The following MRS2 variants were observed in gnomAD, a reference collection of about 807,000 sequenced individuals.
MRS2 encodes magnesium transporter MRS2.
MRS2 carries 40 observed loss-of-function variants against 52.6 expected under a neutral mutation model. That is an observed-to-expected ratio of 0.76 (90% CI 0.59 to 0.99). The LOEUF (loss-of-function observed/expected upper bound fraction) is 0.99, where lower values mean the gene tolerates loss of function less well. MRS2 is among the 50% of genes least tolerant of loss of function. The pLI is 0.00. For synonymous variants in MRS2, 193 were observed against 195.9 expected, an observed-to-expected ratio of 0.98 and a Z score of 0.13; for missense variants, 472 against 532.7, an observed-to-expected ratio of 0.89 and a Z score of 1.12.
At chr6:24,412,166 CATGT>C (rs967346234) in intron 4 of MRS2, 52 bp from the exon 5 acceptor site, 54 of 955,138 alleles carry the variant, frequency 5.7e-5, no homozygotes, top group Middle Eastern at 3.5e-4. Context: ...TATATACATG[CATGT>C]GTGTATATAC....
At position 24,422,918 on chromosome 6, in the gene MRS2, G is replaced by T; in HGVS notation, c.1108-19G>T. ...GAACCTGGCGTTTTGCGATGGAAATGAACTGTGTTCTCTTTTAGGACCATA... is the reference window on the plus strand; with the variant it reads ...GAACCTGGCGTTTTGCGATGGAAATTAACTGTGTTCTCTTTTAGGACCATA... On this transcript the variant is annotated intron_variant, in intron 9 of 10. Coordinates refer to ENST00000378386, the MANE Select transcript of MRS2 (RefSeq NM_020662.4). 2.0e-6 allele frequency: 3 copies of T among 1,521,874 alleles called. No individual in the cohort carries two copies. In the South Asian group the frequency reaches 3.4e-5, roughly 17 times the overall value. The allele number at this position is 1,521,874 out of a possible 1,614,324, so 94.3% of individuals were successfully genotyped here.
intron 2 of MRS2, among the ~76,000 whole-genome samples, chr6:24,406,856 A>G (rs1761492414): frequency 6.6e-6 from 1 of 152,246 alleles, no homozygotes; most frequent in Non-Finnish European, 1.5e-5. Flanking sequence ...CACTTAAGAA[A>G]TTCATAAAGC....
At position 24,403,213 on chromosome 6, in the gene MRS2, G is replaced by A; in HGVS notation, c.167G>A (p.Gly56Glu). The change falls in exon 1 of 11, where the codon GGG (glycine) becomes GAG (glutamate). Residue 56 changes from glycine to glutamate, a missense_variant. Transcript: ENST00000378386. ...AGGAGCCGAGCGGCGCAGCTTTGCG[G>A]GCCCGACCGGCTCCGCGTGGCAGGT... Reference protein sequence around the residue: ...IGRSRAAQLCGPDRLRVAGEV... With the variant: ...IGRSRAAQLCEPDRLRVAGEV... The A allele has an allele frequency of 1.3e-6, 2 of 1,599,788 alleles. No individual in the cohort carries two copies. The highest frequency in any genetic ancestry group is 8.5e-7 in the Non-Finnish European group (1 of 1,178,836).
chr6:24,403,355 C>T (rs920154118), intron 1 of MRS2, 119 bp downstream of exon 1: 19 of 1,003,124 alleles, frequency 1.9e-5, no homozygotes, highest in Non-Finnish European at 2.5e-5. Flanking sequence ...GCCTCGGCCT[C>T]CCGCGTGTCC....
At chr6:24,423,163 T>C in intron 10 of MRS2, 113 bp downstream of exon 10, 1 of 753,390 alleles carries the variant, frequency 1.3e-6, no homozygotes, top group Non-Finnish European at 2.2e-6. Flanking sequence ...GCGAGTTGCT[T>C]TCTCAAACTT....
intron 5 of MRS2, among the ~76,000 whole-genome samples, chr6:24,414,131 T>C (rs1440975604): frequency 6.7e-6 from 1 of 149,908 alleles, no homozygotes; most frequent in Non-Finnish European, 1.5e-5. Context: ...TGAATGTCTA[T>C]AGGAGAAAGA....
intron 9 of MRS2, among the ~76,000 whole-genome samples, chr6:24,420,884 G>A (rs976188301): frequency 1.3e-5 from 2 of 152,176 alleles, no homozygotes; most frequent in Non-Finnish European, 2.9e-5. Flanking sequence ...ATGCAGATAA[G>A]TATGATCATG....
chr6:24,403,760 A>C (rs73384206), intron 1 of MRS2, among the ~76,000 whole-genome samples: 1 of 152,206 alleles, frequency 6.6e-6, no homozygotes, highest in African/African-American at 2.4e-5. Context: ...TTCGGAAGTC[A>C]TAAGTATAAA....
Position 24,412,243 on chromosome 6 carries a change from C to G in MRS2, c.436C>G (p.Pro146Ala). 2 of 1,573,366 alleles carry G rather than the reference C, an allele frequency of 1.3e-6. No homozygotes were observed. Among genetic ancestry groups the G allele is most frequent in the Non-Finnish European group, 1.7e-6 (2 of 1,163,400 alleles). ...ACAGTATTTGAAAGCTGTGATAACT[C>G]CAGAGTGTCTTCTGATATTAGATTA... ...RMEYLKAVIT[P>A]ECLLILDYRN... Residue 146 changes from proline to alanine, a missense_variant, in exon 5 of 11, where the codon CCA becomes GCA. Transcript: ENST00000378386.
intron 4 of MRS2, chr6:24,410,724 C>T (rs770592397): frequency 3.7e-5 from 57 of 1,524,744 alleles, no homozygotes; most frequent in Non-Finnish European, 8.8e-6. Flanking sequence ...TGATTTTCTT[C>T]AGAAATATTC....
chr6:24,410,908 C>A, intron 4 of MRS2: 1 of 600,048 alleles, frequency 1.7e-6, no homozygotes, highest in Non-Finnish European at 2.8e-6. Flanking sequence ...TTTCATGAGG[C>A]TAGGTTGTGG....
At position 24,416,400 on chromosome 6, in the gene MRS2, A is replaced by C. The variant is rs747502578; in HGVS notation, c.723A>C (p.Leu241=). The change falls in exon 7 of 11, where the codon CTA becomes CTC. Residue 241 remains leucine (L), a synonymous_variant. Coordinates refer to ENST00000378386, the MANE Select transcript of MRS2 (RefSeq NM_020662.4). ...LHILLQNGKS[L]SELETDIKIF... Reference sequence around the variant, plus strand: ...TTTGTGTATCTATTTCTTATAGTCTATCAGAGTTAGAAACAGATATTAAAA... The same window carrying C: ...TTTGTGTATCTATTTCTTATAGTCTCTCAGAGTTAGAAACAGATATTAAAA... The C allele has an allele frequency of 7.7e-7, 1 of 1,290,882 alleles. No homozygotes were observed. The highest frequency in any genetic ancestry group is 1.1e-6 in the Non-Finnish European group (1 of 890,878). The allele number at this position is 1,290,882 out of a possible 1,614,324, so 80.0% of individuals were successfully genotyped here.
At position 24,423,106 on chromosome 6, in the gene MRS2, A is replaced by G. The variant is rs534000754; in HGVS notation, c.1221+56A>G. 234 of 1,401,566 alleles carry G rather than the reference A, an allele frequency of 1.7e-4. 1 individual carries two copies. In the African/African-American group the frequency reaches 2.9e-3, roughly 17 times the overall value. The allele number at this position is 1,401,566 out of a possible 1,614,324, so 86.8% of individuals were successfully genotyped here. ...TGGAAGGGTTATGATCATGGGCCCTAAAGTCAGAGCGCCTGGGATTAAGTT... is the reference window on the plus strand; with the variant it reads ...TGGAAGGGTTATGATCATGGGCCCTGAAGTCAGAGCGCCTGGGATTAAGTT... On this transcript the variant is annotated intron_variant, in intron 10 of 10. Transcript: ENST00000378386.
At chr6:24,405,082 G>T (rs922680451) in intron 1 of MRS2, 86 bp from the exon 2 acceptor site, 1 of 822,196 alleles carries the variant, frequency 1.2e-6, no homozygotes, top group African/African-American at 1.7e-5. Flanking sequence ...TAGTCTGAAG[G>T]CCTCCACATA....
At chr6:24,411,857 GTT>G (rs111934504) in intron 4 of MRS2, among the ~76,000 whole-genome samples, 1 of 137,104 alleles carries the variant, frequency 7.3e-6, no homozygotes, top group African/African-American at 2.7e-5. Flanking sequence ...ATTTTTTGGT[GTT>G]TTTTTTTTTG....
intron 4 of MRS2, among the ~76,000 whole-genome samples, chr6:24,411,416 G>A (rs1358379521): frequency 4.6e-5 from 7 of 152,140 alleles, no homozygotes; most frequent in Non-Finnish European, 8.8e-5. Context: ...TGCTTTAGTG[G>A]TGTTTTAAAA....
Position 24,415,181 on chromosome 6 carries a change from A to T in MRS2, c.719+18A>T. ...GGCAAAAGGTAAATATGGATGATGT[A>T]TCACATTGGGAGTTGGAGACAAATA... On this transcript the variant is annotated intron_variant, in intron 6 of 10. Transcript: ENST00000378386. 3 of 1,536,192 alleles carry T rather than the reference A, an allele frequency of 2.0e-6. No homozygotes were observed. In the South Asian group the frequency reaches 3.9e-5, roughly 20 times the overall value.
chr6:24,422,848 G>C, intron 9 of MRS2, 89 bp from the exon 10 acceptor site: 2 of 843,698 alleles, frequency 2.4e-6, no homozygotes, highest in Non-Finnish European at 3.8e-6. Context: ...AATAACATAA[G>C]GCTTTCAAAC....
chr6:24,417,613 T>C (rs1761892577), intron 7 of MRS2, among the ~76,000 whole-genome samples: 1 of 152,166 alleles, frequency 6.6e-6, no homozygotes, highest in African/African-American at 2.4e-5. Context: ...TTTGGATCAG[T>C]TGACATAGGT....
Sources: allele counts gnomAD v4.1 joint callset (sites outside exome capture counted in the v4.1 genomes callset), GRCh38; gene constraint gnomAD v4.1.1; transcripts MANE v1.5; gene names NCBI Gene and HGNC (gene_info 2026-07-23, HGNC 2026-07-21).